AKT3: variants seen among roughly 807,000 people sequenced by gnomAD.
The protein encoded by AKT3 is AKT serine/threonine kinase 3, also known as RAC-gamma serine/threonine-protein kinase.
A neutral mutation model predicts 65.3 loss-of-function variants in AKT3; 15 were observed. That is an observed-to-expected ratio of 0.23 (90% CI 0.15 to 0.35). The LOEUF (loss-of-function observed/expected upper bound fraction) is 0.35, where lower values mean the gene tolerates loss of function less well. AKT3 is among the 10% of genes least tolerant of loss of function. The pLI, the probability that AKT3 is intolerant of heterozygous loss-of-function variation, is 1.00. For synonymous variants in AKT3, 206 were observed against 183.8 expected, an observed-to-expected ratio of 1.12 and a Z score of -0.98; for missense variants, 243 against 576.5, an observed-to-expected ratio of 0.42 and a Z score of 5.92.
intron 1 of AKT3, among the ~76,000 whole-genome samples, chr1:243,846,888 T>C (rs539296637): frequency 6.6e-6 from 1 of 152,206 alleles, no homozygotes. Context: ...TTCAAAAGTG[T>C]AGCAGGGGTT....
At chr1:243,756,011 C>T (rs962950304) in intron 2 of AKT3, among the ~76,000 whole-genome samples, 5 of 152,290 alleles carry the variant, frequency 3.3e-5, no homozygotes, top group African/African-American at 1.2e-4. Flanking sequence ...TGGTTATATA[C>T]AGAAGATGAA....
rs1249873090 is a variant in AKT3, at chr1:243,693,262, A to T, written c.172+2329T>A. On this transcript the variant is annotated intron_variant, in intron 3 of 13. Transcript: ENST00000673466. Reference sequence around the variant, plus strand: ...CAATTTGATATATATATATATATATATATATATATATATATATATATATAT... The same window carrying T: ...CAATTTGATATATATATATATATATTTATATATATATATATATATATATAT... Among the ~76,000 whole-genome samples the T allele has an allele frequency of 4.5e-5, 4 of 88,732 alleles. No homozygotes were observed. The East Asian group carries it at 9.5e-4, about 21-fold the overall frequency. 58.2% of individuals were successfully genotyped at this position (88,732 alleles called of 152,430 possible).
chr1:243,745,459 T>C (rs1269972495), intron 2 of AKT3, among the ~76,000 whole-genome samples: 1 of 152,244 alleles, frequency 6.6e-6, no homozygotes, highest in Admixed American at 6.5e-5. Flanking sequence ...AGAGATGATT[T>C]TGGTCAATCC....
At chr1:243,788,805 G>C (rs753684417) in intron 2 of AKT3, 1 of 152,346 alleles carries the variant, frequency 6.6e-6, no homozygotes, top group Non-Finnish European at 1.5e-5. Flanking sequence ...GTTGCTGAAG[G>C]TTAGAGTGGC....
chr1:243,642,556 A>G lies in AKT3; in HGVS notation c.429+3337T>C, dbSNP rs185175779. 8.6e-3 allele frequency among the ~76,000 whole-genome samples: 1,307 copies of G among 152,160 alleles called. 9 individuals are homozygous for G. Among genetic ancestry groups the G allele is most frequent in the South Asian group, 0.013 (63 of 4,816 alleles). On this transcript the variant is annotated intron_variant, in intron 5 of 13. Coordinates refer to ENST00000673466, the MANE Select transcript of AKT3 (RefSeq NM_005465.7). ...GATCTCCTGACCTTGTGATCCGCCC[A>G]CCTTGGCCTCCCAAAGTGCTGGGAT... is the stretch of plus-strand genomic sequence containing the variant.
intron 2 of AKT3, among the ~76,000 whole-genome samples, chr1:243,756,602 CT>C (rs1175379052): frequency 1.3e-5 from 2 of 152,146 alleles, no homozygotes; most frequent in African/African-American, 2.4e-5. Context: ...GGAGAGTTTC[CT>C]TATAAGAGAA....
At chr1:243,844,064 A>G (rs1165206159) in intron 1 of AKT3, among the ~76,000 whole-genome samples, 1 of 152,222 alleles carries the variant, frequency 6.6e-6, no homozygotes, top group African/African-American at 2.4e-5. Context: ...TTGATTTCAT[A>G]TTATGTACTT....
intron 2 of AKT3, among the ~76,000 whole-genome samples, chr1:243,807,804 T>A (rs1301988894): frequency 6.6e-6 from 1 of 152,100 alleles, no homozygotes; most frequent in African/African-American, 2.4e-5. Flanking sequence ...GACTGACACC[T>A]CACACGGCCG....
chr1:243,522,086 A>T (rs1670754498), intron 12 of AKT3, among the ~76,000 whole-genome samples: 1 of 152,208 alleles, frequency 6.6e-6, no homozygotes. Flanking sequence ...AAGGCATGAG[A>T]GGGTAACAAA....
At chr1:243,581,266 G>T (rs1038913819) in intron 8 of AKT3, among the ~76,000 whole-genome samples, 1 of 152,202 alleles carries the variant, frequency 6.6e-6, no homozygotes, top group African/African-American at 2.4e-5. Flanking sequence ...CCCTGGGGCT[G>T]GGCAGTGAGC....
intron 12 of AKT3, among the ~76,000 whole-genome samples, chr1:243,530,741 T>C (rs1483429625): frequency 6.6e-6 from 1 of 152,154 alleles, no homozygotes; most frequent in Non-Finnish European, 1.5e-5. Flanking sequence ...GAGTTGGTTT[T>C]TTGAAAGAAT....
chr1:243,793,223 C>A (rs1267118964), intron 2 of AKT3: 3 of 152,102 alleles, frequency 2.0e-5, no homozygotes, highest in African/African-American at 7.2e-5. Flanking sequence ...TTTTAAGACA[C>A]AAATTGCATT....
At chr1:243,751,472 AG>A (rs1424348286) in intron 2 of AKT3, among the ~76,000 whole-genome samples, 3 of 152,224 alleles carry the variant, frequency 2.0e-5, no homozygotes, top group Admixed American at 6.5e-5. Flanking sequence ...TTTTTAGGGG[AG>A]GGGGGAATGC....
chr1:243,785,837 C>T (rs1293252131), intron 2 of AKT3, among the ~76,000 whole-genome samples: 4 of 152,134 alleles, frequency 2.6e-5, no homozygotes, highest in Non-Finnish European at 5.9e-5. Context: ...GAAACATATC[C>T]CACTCATCTT....
chr1:243,580,553 G>C (rs943163111), intron 8 of AKT3, among the ~76,000 whole-genome samples: 6 of 152,160 alleles, frequency 3.9e-5, no homozygotes, highest in African/African-American at 9.7e-5. Context: ...CTCTGGAATG[G>C]GATAGGGGCT....
At chr1:243,596,683 GC>G (rs1676639085) in intron 8 of AKT3, among the ~76,000 whole-genome samples, 1 of 152,062 alleles carries the variant, frequency 6.6e-6, no homozygotes, top group South Asian at 2.1e-4. Context: ...TAAAATGTAA[GC>G]ATATGCTTAC....
chr1:243,566,662 G>A (rs1268025879), intron 9 of AKT3, among the ~76,000 whole-genome samples: 1 of 151,932 alleles, frequency 6.6e-6, no homozygotes, highest in Admixed American at 6.6e-5. Flanking sequence ...TGTGACCTTG[G>A]GCATATTATT....
intron 12 of AKT3, among the ~76,000 whole-genome samples, chr1:243,526,778 TTAAAAAAAAAAAAAAAAAA>T (rs890651518): frequency 2.7e-4 from 15 of 55,726 alleles, no homozygotes; most frequent in South Asian, 7.9e-4. Context: ...CAAAAAATGG[TTAAAAAAAAAAAAAAAAAA>T]AAAAAAAAAA....
chr1:243,564,340 A>G (rs1674002901), intron 9 of AKT3, among the ~76,000 whole-genome samples: 1 of 152,210 alleles, frequency 6.6e-6, no homozygotes. Flanking sequence ...TTTGTAAGGT[A>G]AGGCGATATC....
Sources: gnomAD v4.1 joint callset for allele counts (sites outside exome capture counted in the v4.1 genomes callset) on GRCh38, gnomAD v4.1.1 for gene constraint, MANE v1.5 for transcripts, NCBI Gene and HGNC (gene_info 2026-07-23, HGNC 2026-07-21) for gene names.